ADAMTS6: variants seen among roughly 807,000 people sequenced by gnomAD.
ADAMTS6 encodes the protein ADAM metallopeptidase with thrombospondin type 1 motif 6.
A neutral mutation model predicts 144.3 loss-of-function variants in ADAMTS6; 23 were observed. That is an observed-to-expected ratio of 0.16 (90% CI 0.11 to 0.23). ADAMTS6 has a LOEUF of 0.23. ADAMTS6 is among the 10% of genes least tolerant of loss of function. The pLI is 1.00. For missense variants in ADAMTS6, 999 were observed against 1,379.6 expected, an observed-to-expected ratio of 0.72 and a Z score of 4.37; for synonymous variants, 444 against 457.5, an observed-to-expected ratio of 0.97 and a Z score of 0.38.
intron 22 of ADAMTS6, among the ~76,000 whole-genome samples, chr5:65,175,359 A>G (rs56375618): frequency 0.091 from 13,846 of 151,632 alleles, 765 homozygotes; most frequent in Non-Finnish European, 0.12. Context: ...TCAAAGAGAG[A>G]AAGAAAGAGA....
chr5:65,160,411 A>G (rs1472683607), intron 24 of ADAMTS6, among the ~76,000 whole-genome samples: 1 of 149,024 alleles, frequency 6.7e-6, no homozygotes, highest in Non-Finnish European at 1.5e-5. Flanking sequence ...GGTTCACGCC[A>G]TTCTCCAGCC....
chr5:65,300,012 C>T lies in ADAMTS6; in HGVS notation c.1343G>A (p.Ser448Asn). 2 of 1,614,010 alleles carry T rather than the reference C, an allele frequency of 1.2e-6. No homozygotes were observed. The highest frequency in any genetic ancestry group is 1.7e-6 in the Non-Finnish European group (2 of 1,179,964). ...TAGAAAGCTGGTGATGTAGTCTCGA[C>T]TGCAAGCAGACCAGGAAAAAGGATT... ...NTNPFSWSACSRDYITSFLDS... is the reference protein window; with the variant it reads ...NTNPFSWSACNRDYITSFLDS... The change falls in exon 10 of 25, where the codon AGT becomes AAT. Residue 448 changes from serine (S) to asparagine (N), a missense_variant. Physicochemically the swap from Ser to Asn is conservative, Grantham distance 46. Coordinates refer to ENST00000381055, the MANE Select transcript of ADAMTS6 (RefSeq NM_197941.4).
At chr5:65,183,473 T>G (rs955741499) in intron 22 of ADAMTS6, among the ~76,000 whole-genome samples, 2 of 152,008 alleles carry the variant, frequency 1.3e-5, no homozygotes, top group African/African-American at 4.8e-5. Context: ...AACTTTATTA[T>G]AGGTTTGTAT....
At chr5:65,407,895 C>T (rs920455970) in intron 7 of ADAMTS6, among the ~76,000 whole-genome samples, 1 of 152,118 alleles carries the variant, frequency 6.6e-6, no homozygotes. Context: ...TCCAGCCAAA[C>T]TAAGCTTCAT....
chr5:65,198,138 C>T (rs943038498), intron 20 of ADAMTS6, among the ~76,000 whole-genome samples: 2 of 152,104 alleles, frequency 1.3e-5, no homozygotes, highest in African/African-American at 2.4e-5. Flanking sequence ...GATCATATAG[C>T]GGTAACAGGT....
At chr5:65,275,416 A>AAAGAAAGG (rs1491241170) in intron 11 of ADAMTS6, among the ~76,000 whole-genome samples, 37 of 136,986 alleles carry the variant, frequency 2.7e-4, no homozygotes, top group African/African-American at 1.0e-3. Context: ...AGAAAGAAAG[A>AAAGAAAGG]AAAGAAAGAA....
chr5:65,271,376 TAAA>T (rs771448447), intron 12 of ADAMTS6, among the ~76,000 whole-genome samples: 91 of 116,388 alleles, frequency 7.8e-4, no homozygotes, highest in East Asian at 2.3e-3. Context: ...ATACTCCGTC[TAAA>T]AAAAAAAAAA....
intron 20 of ADAMTS6, among the ~76,000 whole-genome samples, chr5:65,201,327 C>T (rs529188818): frequency 6.6e-6 from 1 of 152,028 alleles, no homozygotes; most frequent in Admixed American, 6.6e-5. Flanking sequence ...CTCATGTGTT[C>T]CTATCTTTCT....
intron 7 of ADAMTS6, among the ~76,000 whole-genome samples, chr5:65,416,748 TAAA>T (rs143757215): frequency 0.022 from 2,906 of 132,688 alleles, 73 homozygotes; most frequent in African/African-American, 0.068. Flanking sequence ...AGACTCCATT[TAAA>T]AAAAAAAAAA....
chr5:65,216,073 T>C (rs1037825561), intron 18 of ADAMTS6, among the ~76,000 whole-genome samples: 2 of 152,006 alleles, frequency 1.3e-5, no homozygotes, highest in South Asian at 4.1e-4. Context: ...AATGCCACAA[T>C]TCAACTCCTA....
At chr5:65,181,765 T>C (rs1219752086) in intron 22 of ADAMTS6, among the ~76,000 whole-genome samples, 2 of 152,202 alleles carry the variant, frequency 1.3e-5, no homozygotes, top group Non-Finnish European at 2.9e-5. Context: ...GGCCACTTCA[T>C]CCACATGCTA....
intron 24 of ADAMTS6, among the ~76,000 whole-genome samples, chr5:65,168,418 A>C (rs1329800186): frequency 1.3e-5 from 2 of 149,156 alleles, no homozygotes; most frequent in South Asian, 2.2e-4. Flanking sequence ...TTCCATGCTC[A>C]TGGATAGGAA....
chr5:65,195,863 A>G (rs1580014086), intron 21 of ADAMTS6, among the ~76,000 whole-genome samples: 1 of 152,178 alleles, frequency 6.6e-6, no homozygotes, highest in South Asian at 2.1e-4. Context: ...CCAATCACAC[A>G]TGTTTTCTCT....
intron 7 of ADAMTS6, among the ~76,000 whole-genome samples, chr5:65,359,167 C>T (rs968219372): frequency 6.6e-6 from 1 of 151,996 alleles, no homozygotes; most frequent in Non-Finnish European, 1.5e-5. Context: ...GCAACTCAAA[C>T]AATTCAATAG....
intron 7 of ADAMTS6, among the ~76,000 whole-genome samples, chr5:65,383,420 G>GA (rs1752209459): frequency 6.6e-6 from 1 of 152,140 alleles, no homozygotes; most frequent in Admixed American, 6.5e-5. Flanking sequence ...CAAATCAAAA[G>GA]AGAGAAATGA....
intron 20 of ADAMTS6, among the ~76,000 whole-genome samples, chr5:65,212,564 T>A (rs1756619269): frequency 6.6e-6 from 1 of 152,064 alleles, no homozygotes; most frequent in African/African-American, 2.4e-5. Context: ...TTCTTCCAAA[T>A]TCAGTTCTCA....
intron 23 of ADAMTS6, among the ~76,000 whole-genome samples, chr5:65,171,015 T>C (rs1398364565): frequency 8.2e-6 from 1 of 122,468 alleles, no homozygotes; most frequent in Non-Finnish European, 1.9e-5. Flanking sequence ...CAATATTAAT[T>C]TTTTTTTTTT....
chr5:65,458,573 G>A (rs886286869), intron 4 of ADAMTS6, among the ~76,000 whole-genome samples: 4 of 151,994 alleles, frequency 2.6e-5, no homozygotes, highest in African/African-American at 4.8e-5. Context: ...CAACACACCC[G>A]GCTTATTTTT....
At chr5:65,346,828 C>T (rs1000929356) in intron 7 of ADAMTS6, among the ~76,000 whole-genome samples, 3 of 151,086 alleles carry the variant, frequency 2.0e-5, no homozygotes, top group African/African-American at 7.3e-5. Flanking sequence ...ACTGTTAGAA[C>T]TAATAACATA....
Sources: allele counts gnomAD v4.1 joint callset (sites outside exome capture counted in the v4.1 genomes callset), GRCh38; gene constraint gnomAD v4.1.1; transcripts MANE v1.5; gene names NCBI Gene and HGNC (gene_info 2026-07-23, HGNC 2026-07-21).